Variants in ZNF438 observed in about 807,000 individuals in gnomAD.
ZNF438 encodes zinc finger protein 438.
A neutral mutation model predicts 38.0 loss-of-function variants in ZNF438; 25 were observed. The ratio of observed to expected loss-of-function variants is 0.66; its 90% CI spans 0.48 to 0.92. The LOEUF (loss-of-function observed/expected upper bound fraction) is 0.92, where lower values mean the gene tolerates loss of function less well. Ranked by LOEUF, ZNF438 falls within the 40% of genes least tolerant of loss-of-function variation. The pLI, the probability that ZNF438 is intolerant of heterozygous loss-of-function variation, is 0.00. For missense variants in ZNF438, 1,007 were observed against 999.6 expected, an observed-to-expected ratio of 1.01 and a Z score of -0.10; for synonymous variants, 372 against 364.1, an observed-to-expected ratio of 1.02 and a Z score of -0.25.
chr10:30,917,889 AT>A (rs1296255817), intron 2 of ZNF438, among the ~76,000 whole-genome samples: 7 of 152,160 alleles, frequency 4.6e-5, no homozygotes. Context: ...CCCCCAAGTC[AT>A]AAGGATATTC....
chr10:30,978,007 G>A (rs1178338953), intron 1 of ZNF438, among the ~76,000 whole-genome samples: 1 of 151,666 alleles, frequency 6.6e-6, no homozygotes, highest in Non-Finnish European at 1.5e-5. Flanking sequence ...GATTCTAAGG[G>A]ACATTGGTAT....
chr10:30,962,777 C>A (rs1391088775), intron 1 of ZNF438, among the ~76,000 whole-genome samples: 1 of 117,578 alleles, frequency 8.5e-6, no homozygotes, highest in Non-Finnish European at 2.2e-5. Context: ...GAGAAACATG[C>A]ACAAGGTCAC....
chr10:30,920,873 A>G (rs988643953), intron 2 of ZNF438: 2 of 152,210 alleles, frequency 1.3e-5, no homozygotes, highest in Non-Finnish European at 2.9e-5. Context: ...ATGGCTTCTC[A>G]AAAAGGATTA....
intron 1 of ZNF438, among the ~76,000 whole-genome samples, chr10:30,976,244 A>G (rs1246514726): frequency 6.6e-6 from 1 of 152,250 alleles, no homozygotes; most frequent in African/African-American, 2.4e-5. Context: ...ATTTGGAAAC[A>G]AATTTAAATG....
At chr10:30,956,621 C>G (rs755198099) in intron 1 of ZNF438, among the ~76,000 whole-genome samples, 1 of 152,102 alleles carries the variant, frequency 6.6e-6, no homozygotes, top group Non-Finnish European at 1.5e-5. Flanking sequence ...ATGAGATAAA[C>G]GTTTTTAGAT....
At chr10:30,982,677 G>T (rs774440767) in intron 1 of ZNF438, among the ~76,000 whole-genome samples, 14 of 151,954 alleles carry the variant, frequency 9.2e-5, no homozygotes, top group Non-Finnish European at 1.8e-4. Flanking sequence ...ATTAAATTTG[G>T]CAGCAGAAGC....
intron 2 of ZNF438, among the ~76,000 whole-genome samples, chr10:30,911,814 A>G (rs2043109175): frequency 6.6e-6 from 1 of 152,052 alleles, no homozygotes; most frequent in African/African-American, 2.4e-5. Context: ...ATCTGATGGA[A>G]AGTCACTCTC....
At chr10:31,022,682 T>C (rs1202333297) in intron 1 of ZNF438, among the ~76,000 whole-genome samples, 1 of 152,130 alleles carries the variant, frequency 6.6e-6, no homozygotes, top group African/African-American at 2.4e-5. Context: ...AAGGGCCCAA[T>C]TCTTCTTCAT....
At chr10:31,011,048 A>C (rs2055650702) in intron 1 of ZNF438, among the ~76,000 whole-genome samples, 1 of 152,194 alleles carries the variant, frequency 6.6e-6, no homozygotes, top group Admixed American at 6.5e-5. Flanking sequence ...AAGATGCACC[A>C]TGCATGCTTC....
intron 1 of ZNF438, among the ~76,000 whole-genome samples, chr10:30,950,820 C>A (rs1036850848): frequency 8.9e-6 from 1 of 112,586 alleles, no homozygotes; most frequent in Non-Finnish European, 1.9e-5. Context: ...ACCAGAGGTA[C>A]AAGGAGGAAC....
At chr10:30,899,838 G>A (rs779641481) in intron 3 of ZNF438, among the ~76,000 whole-genome samples, 1 of 151,988 alleles carries the variant, frequency 6.6e-6, no homozygotes, top group Non-Finnish European at 1.5e-5. Flanking sequence ...TTTAACCAAC[G>A]TAGAAAATTA....
At chr10:31,022,552 C>T (rs565762605) in intron 1 of ZNF438, among the ~76,000 whole-genome samples, 2 of 152,320 alleles carry the variant, frequency 1.3e-5, no homozygotes, top group South Asian at 2.1e-4. Context: ...TGAGCCACCA[C>T]ACCTGGCCCA....
At chr10:30,914,548 G>GC (rs1589165633) in intron 2 of ZNF438, among the ~76,000 whole-genome samples, 2 of 152,050 alleles carry the variant, frequency 1.3e-5, no homozygotes, top group Non-Finnish European at 2.9e-5. Context: ...GGGGGATTGT[G>GC]TAAGCGGTGC....
intron 3 of ZNF438, among the ~76,000 whole-genome samples, chr10:30,890,884 G>A (rs1284339291): frequency 6.6e-6 from 1 of 152,140 alleles, no homozygotes; most frequent in Non-Finnish European, 1.5e-5. Context: ...TCCCACAATG[G>A]AGGATGAAGA....
intron 2 of ZNF438, among the ~76,000 whole-genome samples, chr10:30,930,415 G>A (rs1043531098): frequency 5.0e-4 from 76 of 152,112 alleles, no homozygotes; most frequent in African/African-American, 1.5e-3. Flanking sequence ...TCCCACCCGC[G>A]CATCTCCCTC....
chr10:30,948,048 A>G (rs1351574470), intron 1 of ZNF438, among the ~76,000 whole-genome samples: 2 of 152,076 alleles, frequency 1.3e-5, no homozygotes, highest in East Asian at 1.9e-4. Context: ...GCAGCTGGAG[A>G]TCTCAGTACG....
intron 4 of ZNF438, among the ~76,000 whole-genome samples, chr10:30,870,666 A>T (rs1016871145): frequency 2.0e-5 from 3 of 152,228 alleles, no homozygotes; most frequent in African/African-American, 7.2e-5. Context: ...TTTAACAGAA[A>T]TACACTTATA....
At position 30,917,533 on chromosome 10, in the gene ZNF438, C is replaced by T. The variant is rs959097940; in HGVS notation, c.-114-8518G>A. ...GTGGGTTTCTCATTCTCATTTTAAC[C>T]TGCATTTCCCAGATGACAAATGACG... On this transcript the variant is annotated intron_variant, in intron 2 of 5. Transcript: ENST00000413025. 2.6e-5 allele frequency among the ~76,000 whole-genome samples: 4 copies of T among 152,088 alleles called. No homozygotes were observed. In the East Asian group the frequency reaches 7.7e-4, roughly 29 times the overall value.
intron 1 of ZNF438, among the ~76,000 whole-genome samples, chr10:30,961,920 T>G (rs554436131): frequency 6.9e-6 from 1 of 145,346 alleles, no homozygotes; most frequent in Non-Finnish European, 1.6e-5. Flanking sequence ...GTTTTACAAA[T>G]TTTGGTACTT....
Sources: gnomAD v4.1 joint callset for allele counts (sites outside exome capture counted in the v4.1 genomes callset) on GRCh38, gnomAD v4.1.1 for gene constraint, MANE v1.5 for transcripts, NCBI Gene and HGNC (gene_info 2026-07-23, HGNC 2026-07-21) for gene names.